FTO: variants seen among roughly 807,000 people sequenced by gnomAD.
FTO encodes the protein FTO alpha-ketoglutarate dependent dioxygenase, also known as alpha-ketoglutarate-dependent dioxygenase FTO.
A neutral mutation model predicts 63.9 loss-of-function variants in FTO; 47 were observed. That is an observed-to-expected ratio of 0.74 (90% confidence interval 0.58 to 0.94). The LOEUF is 0.94. Ranked by LOEUF, FTO falls within the 40% of genes least tolerant of loss-of-function variation. The probability of loss-of-function intolerance (pLI) is 0.00; values close to 1 mark genes in which losing one functional copy is unlikely to be tolerated. For synonymous variants in FTO, 207 were observed against 224.4 expected (o/e 0.92, Z 0.69); for missense variants, 562 against 618.1 (o/e 0.91, Z 0.96).
chr16:53,857,227 C>T (rs1046159210), intron 4 of FTO, among the ~76,000 whole-genome samples: 2 of 152,154 alleles, frequency 1.3e-5, no homozygotes, highest in African/African-American at 4.8e-5. Context: ...TCGATCCTTA[C>T]CCTCCTCCCA....
At chr16:53,977,736 G>T in intron 8 of FTO, among the ~76,000 whole-genome samples, 1 of 152,130 alleles carries the variant, frequency 6.6e-6, no homozygotes, top group East Asian at 1.9e-4. Flanking sequence ...ACATCTTTAT[G>T]AAACCTGGAA....
At position 53,845,426 on chromosome 16, in the gene FTO, C is replaced by T. The variant is rs577630719; in HGVS notation, c.895+1128C>T. Among the ~76,000 whole-genome samples the T allele has an allele frequency of 4.0e-4, 61 of 152,248 alleles. No homozygotes were observed. In the South Asian group the frequency reaches 0.011, roughly 28 times the overall value. On this transcript the variant is annotated intron_variant, in intron 4 of 8. Coordinates refer to ENST00000471389, the MANE Select transcript of FTO (RefSeq NM_001080432.3). ...TCTTGGTTCTTGCCTTTTGGGAATT[C>T]GGAGTACAGAATAGCTCTTTAGGCC...
chr16:53,831,014 T>A (rs1038396969), intron 3 of FTO, among the ~76,000 whole-genome samples: 5 of 152,198 alleles, frequency 3.3e-5, no homozygotes, highest in African/African-American at 1.2e-4. Flanking sequence ...TTTGCAATAA[T>A]GTTCTTGGAA....
intron 1 of FTO, among the ~76,000 whole-genome samples, chr16:53,729,017 G>T (rs1278891519): frequency 6.6e-6 from 1 of 151,528 alleles, no homozygotes; most frequent in Non-Finnish European, 1.5e-5. Flanking sequence ...GCCCACCTTG[G>T]CCTCCCAAAG....
chr16:54,028,570 TA>T (rs1365670030), intron 8 of FTO, among the ~76,000 whole-genome samples: 2 of 152,206 alleles, frequency 1.3e-5, no homozygotes, highest in East Asian at 3.8e-4. Context: ...TACTACCGAT[TA>T]CAACTCTTTC....
intron 8 of FTO, among the ~76,000 whole-genome samples, chr16:54,079,575 A>G (rs2035242649): frequency 6.6e-6 from 1 of 152,166 alleles, no homozygotes; most frequent in African/African-American, 2.4e-5. Context: ...CTGAACTAAA[A>G]CTGCAGGAAG....
At chr16:53,906,598 A>C (rs1359601901) in intron 7 of FTO, among the ~76,000 whole-genome samples, 2 of 152,206 alleles carry the variant, frequency 1.3e-5, no homozygotes, top group Non-Finnish European at 2.9e-5. Context: ...ATTTAGGTGG[A>C]TCCGATTTCA....
At chr16:54,015,620 A>G (rs1025743873) in intron 8 of FTO, among the ~76,000 whole-genome samples, 2 of 152,222 alleles carry the variant, frequency 1.3e-5, no homozygotes, top group Admixed American at 6.5e-5. Context: ...ACTTTGGGAA[A>G]ATTCAACTTA....
intron 8 of FTO, among the ~76,000 whole-genome samples, chr16:54,069,130 A>G (rs2085800275): frequency 6.6e-6 from 1 of 152,156 alleles, no homozygotes; most frequent in Admixed American, 6.5e-5. Context: ...CTTTTTAAGG[A>G]ATGCTAGAAG....
At chr16:53,955,114 T>G (rs1006859923) in intron 8 of FTO, among the ~76,000 whole-genome samples, 2 of 152,168 alleles carry the variant, frequency 1.3e-5, no homozygotes, top group Admixed American at 1.3e-4. Flanking sequence ...ATTAGTGCCA[T>G]TGGAGTCTAG....
intron 1 of FTO, among the ~76,000 whole-genome samples, chr16:53,801,836 T>G (rs2078236939): frequency 6.6e-6 from 1 of 152,090 alleles, no homozygotes; most frequent in African/African-American, 2.4e-5. Flanking sequence ...CTCGGCTCAC[T>G]GCAACCTCCA....
intron 1 of FTO, among the ~76,000 whole-genome samples, chr16:53,732,030 A>C (rs1598512666): frequency 7.7e-6 from 1 of 129,756 alleles, no homozygotes; most frequent in Non-Finnish European, 1.6e-5. Context: ...CCCAGCCCTC[A>C]TTGTGGCCTT....
At chr16:53,912,977 C>G (rs2081751132) in intron 7 of FTO, among the ~76,000 whole-genome samples, 1 of 152,182 alleles carries the variant, frequency 6.6e-6, no homozygotes, top group Admixed American at 6.5e-5. Context: ...TTGTAAACTG[C>G]TTCTGTTCTG....
chr16:54,105,886 A>G (rs776201702), intron 8 of FTO, among the ~76,000 whole-genome samples: 12 of 151,672 alleles, frequency 7.9e-5, no homozygotes, highest in Non-Finnish European at 1.8e-4. Context: ...TCATTTCATC[A>G]AGAGTAATGG....
chr16:53,996,247 A>T (rs545979567), intron 8 of FTO, among the ~76,000 whole-genome samples: 2 of 152,322 alleles, frequency 1.3e-5, no homozygotes, highest in South Asian at 4.1e-4. Flanking sequence ...TTGAAACAGG[A>T]CACATCCTAA....
At chr16:53,775,778 A>T (rs985751963) in intron 1 of FTO, among the ~76,000 whole-genome samples, 2 of 152,096 alleles carry the variant, frequency 1.3e-5, no homozygotes, top group Admixed American at 6.6e-5. Context: ...CCTGCTTTTA[A>T]TAGTCTGTTT....
chr16:53,982,067 G>A (rs1236959834), intron 8 of FTO, among the ~76,000 whole-genome samples: 3 of 151,634 alleles, frequency 2.0e-5, no homozygotes, highest in Non-Finnish European at 2.9e-5. Context: ...GCGACAGAGC[G>A]AGACTCTGTT....
intron 1 of FTO, among the ~76,000 whole-genome samples, chr16:53,710,792 G>A (rs1435797215): frequency 6.6e-6 from 1 of 152,174 alleles, no homozygotes; most frequent in Non-Finnish European, 1.5e-5. Flanking sequence ...CAGTGGGCAT[G>A]CATTTTCCTA....
intron 1 of FTO, among the ~76,000 whole-genome samples, chr16:53,774,310 A>G (rs557208614): frequency 3.0e-4 from 46 of 152,262 alleles, no homozygotes; most frequent in African/African-American, 1.1e-3. Flanking sequence ...TAACTTCTCA[A>G]TATACCTTTG....
Sources: allele counts gnomAD v4.1 joint callset (sites outside exome capture counted in the v4.1 genomes callset), GRCh38; gene constraint gnomAD v4.1.1; transcripts MANE v1.5; gene names NCBI Gene and HGNC (gene_info 2026-07-23, HGNC 2026-07-21).